Variants in TBCCD1 observed in about 807,000 individuals in gnomAD.
TBCCD1 encodes TBCC domain containing 1, also known as TBCC domain-containing protein 1.
Under a neutral mutation model 53.4 loss-of-function variants are expected in TBCCD1, and 26 were observed. The ratio of observed to expected loss-of-function variants is 0.49; its 90% confidence interval spans 0.36 to 0.68. The LOEUF (loss-of-function observed/expected upper bound fraction) is 0.68. Among genes scored for constraint, TBCCD1 ranks in the 30% least tolerant of loss-of-function variants. TBCCD1 has a pLI of 0.00. For synonymous variants in TBCCD1, 245 were observed against 241.7 expected (o/e 1.01, Z -0.13); for missense variants, 558 against 669.5 (o/e 0.83, Z 1.84).
intron 2 of TBCCD1, among the ~76,000 whole-genome samples, chr3:186,562,874 T>C (rs1009768805): frequency 9.2e-5 from 14 of 152,240 alleles, no homozygotes; most frequent in African/African-American, 3.4e-4. Context: ...CTCCATTCTG[T>C]TGATCTTCCC....
At chr3:186,563,075 G>C (rs1714731346) in intron 2 of TBCCD1, among the ~76,000 whole-genome samples, 1 of 152,194 alleles carries the variant, frequency 6.6e-6, no homozygotes, top group Non-Finnish European at 1.5e-5. Flanking sequence ...AATGAAATCA[G>C]CTTTTAACAA....
At position 186,559,383 on chromosome 3, in the gene TBCCD1, G is replaced by A. The variant is rs111316290; in HGVS notation, c.337-811C>T. ...CATTTTTCAAGGGAGTAGGCCTCAGGTTTTCAGCAAATTCTTAAAGGGGTG... is the reference window on the plus strand; with the variant it reads ...CATTTTTCAAGGGAGTAGGCCTCAGATTTTCAGCAAATTCTTAAAGGGGTG... On this transcript the variant is annotated intron_variant, in intron 2 of 7. Coordinates refer to ENST00000338733, the MANE Select transcript of TBCCD1 (RefSeq NM_018138.5). Among the ~76,000 whole-genome samples the A allele has an allele frequency of 1.0e-3, 152 of 152,292 alleles. 2 individuals are homozygous for A. Among genetic ancestry groups the A allele is most frequent in the African/African-American group, 3.4e-3 (141 of 41,550 alleles).
In TBCCD1 at chr3:186,555,029, C is replaced by G; in HGVS notation, c.915G>C (p.Arg305Ser). 1 of 1,613,624 alleles carries G rather than the reference C, an allele frequency of 6.2e-7. No individual in the cohort carries two copies. Among genetic ancestry groups the G allele is most frequent in the Non-Finnish European group, 8.5e-7 (1 of 1,179,910 alleles). The change falls in exon 5 of 8, where the codon AGG becomes AGC. Residue 305 changes from arginine to serine, a missense_variant. Physicochemically the swap from Arg to Ser is moderately radical, Grantham distance 110. Coordinates refer to ENST00000338733, the MANE Select transcript of TBCCD1 (RefSeq NM_018138.5). ...KIACNTHVAP[R>S]MHRLVVMSQV... ...GGCTCATCACTACCAGTCGGTGCAT[C>G]CTAGGGGCCACATGAGTATTACAAG...
Position 186,564,235 on chromosome 3 carries a change from T to G in TBCCD1, c.95A>C (p.Tyr32Ser). The change falls in exon 2 of 8, where the codon TAT becomes TCT. Residue 32 changes from tyrosine to serine, a missense_variant. Transcript: ENST00000338733. ...CACATAGGTGGATATCTTCCTGAGA[T>G]AGTGAAGACTAAACTTGGATGGAGG... is the stretch of plus-strand genomic sequence containing the variant. ...VPPPSKFSLH[Y>S]LRKISTYVQI... The G allele has an allele frequency of 1.9e-6, 3 of 1,614,192 alleles. No individual in the cohort carries two copies. The highest frequency in any genetic ancestry group is 2.5e-6 in the Non-Finnish European group (3 of 1,180,028).
intron 2 of TBCCD1, among the ~76,000 whole-genome samples, chr3:186,560,322 C>T (rs996999524): frequency 1.3e-5 from 2 of 152,160 alleles, no homozygotes; most frequent in Non-Finnish European, 2.9e-5. Context: ...AAATGTACTG[C>T]CCTTTCCCTC....
chr3:186,568,624 G>T (rs1714903464), upstream of TBCCD1, among the ~76,000 whole-genome samples: 1 of 152,198 alleles, frequency 6.6e-6, no homozygotes, highest in African/African-American at 2.4e-5. Context: ...TAGGAGGCCG[G>T]GCGTGGTGGC....
rs144356826 is a variant in TBCCD1, at chr3:186,565,005, G to C, written c.-43-633C>G. Among the ~76,000 whole-genome samples the C allele has an allele frequency of 4.4e-3, 663 of 151,592 alleles. 4 individuals carry two copies. Among genetic ancestry groups the C allele is most frequent in the African/African-American group, 0.012 (516 of 41,330 alleles). On this transcript the variant is annotated intron_variant, in intron 1 of 7. Transcript: ENST00000338733. ...TTTTTTTGTTGTAACAATGATACAT[G>C]ATTTTTATGGAATATTTATAAAATA...
chr3:186,558,804 G>A (rs1442727538), intron 2 of TBCCD1, among the ~76,000 whole-genome samples: 3 of 152,066 alleles, frequency 2.0e-5, no homozygotes, highest in East Asian at 3.9e-4. Context: ...GCAATGATGC[G>A]ATCTCAGCTC....
upstream of TBCCD1, chr3:186,567,496 C>T (rs1170302771): frequency 6.6e-6 from 1 of 152,360 alleles, no homozygotes; most frequent in Admixed American, 6.5e-5. Context: ...ACAGTGGCAC[C>T]TGGAGCCAGA....
At position 186,564,259 on chromosome 3, in the gene TBCCD1, G is replaced by A; in HGVS notation, c.71C>T (p.Pro24Leu). 1 of 1,614,144 alleles carries A rather than the reference G, an allele frequency of 6.2e-7. No individual in the cohort carries two copies. Among genetic ancestry groups the A allele is most frequent in the Non-Finnish European group, 8.5e-7 (1 of 1,180,022 alleles). The change falls in exon 2 of 8, where the codon CCT (proline) becomes CTT (leucine). Residue 24 changes from proline to leucine, a missense_variant. Physicochemically the swap from Pro to Leu is moderately conservative, Grantham distance 98. Transcript: ENST00000338733. ...PFIVGALQVP[P>L]PSKFSLHYLR... ...ATAGTGAAGACTAAACTTGGATGGA[G>A]GGGGGACCTGCAAGGCACCCACTAT...
intron 7 of TBCCD1, among the ~76,000 whole-genome samples, chr3:186,550,723 A>G (rs948455846): frequency 6.6e-6 from 1 of 152,102 alleles, no homozygotes; most frequent in African/African-American, 2.4e-5. Flanking sequence ...AATTCTGGTA[A>G]TTTATTACTG....
intron 2 of TBCCD1, among the ~76,000 whole-genome samples, chr3:186,563,240 T>C (rs1449231720): frequency 1.3e-5 from 2 of 152,246 alleles, no homozygotes; most frequent in African/African-American, 2.4e-5. Context: ...ACTGAAATAC[T>C]GGGTTGTCTA....
intron 4 of TBCCD1, 114 bp from the exon 5 acceptor site, chr3:186,555,198 A>G: frequency 3.1e-6 from 3 of 974,680 alleles, no homozygotes; most frequent in Non-Finnish European, 4.3e-6. Flanking sequence ...TACCACATGT[A>G]GGGACAAAAA....
At position 186,547,137 on chromosome 3, in the gene TBCCD1, CATA is replaced by C. The variant is rs1714236717; in HGVS notation, c.*22-185_*22-183del. 2.0e-5 allele frequency among the ~76,000 whole-genome samples: 3 copies of C among 151,712 alleles called. No individual in the cohort carries two copies. The South Asian group carries it at 6.2e-4, about 32-fold the overall frequency. On this transcript the variant is annotated intron_variant, in intron 7 of 7. Coordinates refer to ENST00000338733, the MANE Select transcript of TBCCD1 (RefSeq NM_018138.5). ...CTTTTTGCTAGGTGTAATGTTAGAT[CATA>C]ATAAAAGAGAAATTCATACATGAAT...
chr3:186,555,145 A>C, intron 4 of TBCCD1, 61 bp from the exon 5 acceptor site: 1 of 1,487,560 alleles, frequency 6.7e-7, no homozygotes, highest in Non-Finnish European at 9.1e-7. Context: ...ACAAACAAAC[A>C]TATGAGGTTA....
chr3:186,565,502 C>G (rs1173169943), intron 1 of TBCCD1, among the ~76,000 whole-genome samples: 1 of 152,136 alleles, frequency 6.6e-6, no homozygotes, highest in Non-Finnish European at 1.5e-5. Flanking sequence ...GTTTCAAAAG[C>G]TTTATAGTAT....
chr3:186,557,069 GGTC>G (rs1220040496), intron 3 of TBCCD1, among the ~76,000 whole-genome samples: 6 of 152,150 alleles, frequency 3.9e-5, no homozygotes, highest in Non-Finnish European at 8.8e-5. Flanking sequence ...GACTGGCCCA[GGTC>G]GTCACTTTAA....
chr3:186,553,494 G>C (rs766127232), intron 6 of TBCCD1: 1 of 152,094 alleles, frequency 6.6e-6, no homozygotes, highest in Non-Finnish European at 1.5e-5. Flanking sequence ...TGAGAAGTCA[G>C]AACAGAGAAA....
At chr3:186,565,169 G>A (rs1244995170) in intron 1 of TBCCD1, among the ~76,000 whole-genome samples, 1 of 138,948 alleles carries the variant, frequency 7.2e-6, no homozygotes, top group Non-Finnish European at 1.5e-5. Context: ...AGAGTGCAGT[G>A]GCATGATCTC....
Sources: gnomAD v4.1 joint callset for allele counts (sites outside exome capture counted in the v4.1 genomes callset) on GRCh38, gnomAD v4.1.1 for gene constraint, MANE v1.5 for transcripts, NCBI Gene and HGNC (gene_info 2026-07-23, HGNC 2026-07-21) for gene names.